SRD5A3: variants seen among roughly 807,000 people sequenced by gnomAD.
SRD5A3 encodes steroid 5 alpha-reductase 3, also known as polyprenal reductase.
Under a neutral mutation model 34.3 loss-of-function variants are expected in SRD5A3, and 24 were observed. The observed-to-expected ratio is 0.70, with a 90% confidence interval of 0.51 to 0.99. SRD5A3 has a LOEUF of 0.99. SRD5A3 is among the 50% of genes least tolerant of loss of function. The pLI is 0.00. For synonymous variants in SRD5A3, 161 were observed against 167.3 expected, an observed-to-expected ratio of 0.96 and a Z score of 0.29; for missense variants, 350 against 388.2, an observed-to-expected ratio of 0.90 and a Z score of 0.83.
At chr4:55,366,770 T>C (rs1719914983) in intron 3 of SRD5A3, 1 of 152,262 alleles carries the variant, frequency 6.6e-6, no homozygotes, top group Non-Finnish European at 1.5e-5. Flanking sequence ...GTTTCTTCAG[T>C]CAAGCCTCCG....
At chr4:55,369,526 T>C (rs1720040328) in intron 4 of SRD5A3, 1 of 375,990 alleles carries the variant, frequency 2.7e-6, no homozygotes, top group Non-Finnish European at 4.9e-6. Context: ...GCCCAGCAGT[T>C]TGAGACCAAC....
intron 1 of SRD5A3, chr4:55,351,775 G>A: frequency 2.2e-6 from 1 of 458,546 alleles, no homozygotes; most frequent in South Asian, 1.8e-5. Context: ...AGAGAAAGCT[G>A]GTTGAAGAAA....
intron 1 of SRD5A3, chr4:55,352,465 G>A (rs539566401): frequency 3.0e-5 from 20 of 674,704 alleles, no homozygotes; most frequent in Middle Eastern, 4.3e-4. Context: ...TAGCCTTCAC[G>A]AAACTGCCGA....
At chr4:55,346,681 C>A (rs1719011704) in intron 1 of SRD5A3, 124 bp downstream of exon 1, 4 of 923,256 alleles carry the variant, frequency 4.3e-6, no homozygotes, top group Admixed American at 4.3e-5. Flanking sequence ...CTGGCGGGTT[C>A]CCGGGCGCAG....
chr4:55,359,309 T>C, intron 1 of SRD5A3, 37 bp from the exon 2 acceptor site: 1 of 1,612,846 alleles, frequency 6.2e-7, no homozygotes, highest in South Asian at 1.1e-5. Context: ...GAAGTGGATC[T>C]ACCCTAATTA....
chr4:55,370,335 C>A lies in SRD5A3; in HGVS notation c.*244C>A, dbSNP rs1720076793. On this transcript the variant is annotated 3_prime_UTR_variant, in exon 5 of 5. Transcript: ENST00000264228. ...ATTTCTGGGTCCACTTTCTGAGATG[C>A]TTTCTAAAACCAACCAACTGATAAA... The A allele has an allele frequency of 1.8e-6, 1 of 546,026 alleles. No individual in the cohort carries two copies. Among genetic ancestry groups the A allele is most frequent in the Non-Finnish European group, 3.2e-6 (1 of 309,584 alleles). The allele number at this position is 546,026 out of a possible 1,614,324, so 33.8% of individuals were successfully genotyped here.
chr4:55,346,619 C>T lies in SRD5A3; in HGVS notation c.221+62C>T, dbSNP rs963671827. 3.5e-6 allele frequency: 5 copies of T among 1,440,122 alleles called. No individual in the cohort carries two copies. The African/African-American group carries it at 4.4e-5, about 13-fold the overall frequency. 89.2% of individuals were successfully genotyped at this position (1,440,122 alleles called of 1,614,324 possible). ...GCGCTGAGAGTTCGGGGCGCCCCGG[C>T]TCGCGGGCAGCCAGCAGGGGGCAGC... On this transcript the variant is annotated intron_variant, in intron 1 of 4. Coordinates refer to ENST00000264228, the MANE Select transcript of SRD5A3 (RefSeq NM_024592.5).
Position 55,371,546 on chromosome 4 carries a change from G to A in SRD5A3, c.*1455G>A, listed in dbSNP as rs914029510. On this transcript the variant is annotated 3_prime_UTR_variant, in exon 5 of 5. Transcript: ENST00000264228. ...TTTGCATTTATATGTACTTTGCTAT[G>A]GGGGAAAGAACCTTATGATTAATAA... 3.4e-4 allele frequency: 51 copies of A among 152,230 alleles called. No individual in the cohort carries two copies. The highest frequency in any genetic ancestry group is 1.2e-3 in the African/African-American group (50 of 41,550). The allele number at this position is 152,230 out of a possible 1,614,324, so 9.4% of individuals were successfully genotyped here.
At chr4:55,349,635 C>T (rs931451131) in intron 1 of SRD5A3, among the ~76,000 whole-genome samples, 2 of 151,736 alleles carry the variant, frequency 1.3e-5, no homozygotes, top group Non-Finnish European at 2.9e-5. Context: ...CAGGTGACCT[C>T]GAACATGTAT....
chr4:55,349,045 G>GT (rs1390840554), intron 1 of SRD5A3, among the ~76,000 whole-genome samples: 1 of 151,962 alleles, frequency 6.6e-6, no homozygotes, highest in Non-Finnish European at 1.5e-5. Context: ...CTTTTGTTTT[G>GT]TTTTTTTGAG....
rs1719468081 is a variant in SRD5A3 at position 55,356,531 on chromosome 4, C to G, written c.222-2815C>G. ...ACAGAATCTCGCTTTGTCACCCAGG[C>G]TGGAGTGCTGTGGCGGCATGATCAC... On this transcript the variant is annotated intron_variant, in intron 1 of 4. Coordinates refer to ENST00000264228, the MANE Select transcript of SRD5A3 (RefSeq NM_024592.5). 2.0e-5 allele frequency among the ~76,000 whole-genome samples: 3 copies of G among 152,084 alleles called. No individual in the cohort carries two copies. In the South Asian group the frequency reaches 6.2e-4, roughly 32 times the overall value.
At chr4:55,351,927 T>G in intron 1 of SRD5A3, 1 of 704,842 alleles carries the variant, frequency 1.4e-6, no homozygotes, top group South Asian at 1.4e-5. Context: ...AAGGTCCTGG[T>G]CAACTGTGGC....
intron 1 of SRD5A3, chr4:55,351,953 AT>A: frequency 2.7e-6 from 2 of 738,048 alleles, no homozygotes; most frequent in South Asian, 2.7e-5. Context: ...TATAAAACTT[AT>A]GCTGAATTAC....
rs1720125011 is a variant in SRD5A3, at chr4:55,371,500, C to G, written c.*1409C>G. 6.6e-6 allele frequency: 1 copy of G among 152,204 alleles called. No individual in the cohort carries two copies. Among genetic ancestry groups the G allele is most frequent in the Admixed American group, 6.5e-5 (1 of 15,270 alleles). The allele number at this position is 152,204 out of a possible 1,614,324, so 9.4% of individuals were successfully genotyped here. A position where few individuals can be genotyped will look rare whatever the true frequency, so the allele number is the denominator to read the frequency against. On this transcript the variant is annotated 3_prime_UTR_variant, in exon 5 of 5. Transcript: ENST00000264228. ...TTCCTTTTATGAAGATGTCCTATTACAGTCAGCTAAGCACTAAAGCTTTGC... is the reference window on the plus strand; with the variant it reads ...TTCCTTTTATGAAGATGTCCTATTAGAGTCAGCTAAGCACTAAAGCTTTGC...
intron 4 of SRD5A3, among the ~76,000 whole-genome samples, chr4:55,368,925 G>T (rs1038634743): frequency 2.0e-5 from 3 of 151,872 alleles, no homozygotes; most frequent in Non-Finnish European, 2.9e-5. Flanking sequence ...TTTTAGTAGA[G>T]CTGGGGTTTC....
chr4:55,365,155 G>A (rs535554648), intron 3 of SRD5A3, among the ~76,000 whole-genome samples: 1 of 152,186 alleles, frequency 6.6e-6, no homozygotes. Context: ...AGACCCCGTA[G>A]GTCTGTAATG....
intron 1 of SRD5A3, among the ~76,000 whole-genome samples, chr4:55,357,644 G>A (rs1032760897): frequency 1.3e-4 from 20 of 152,234 alleles, no homozygotes; most frequent in Non-Finnish European, 2.5e-4. Context: ...GAGATGTTGT[G>A]TGGAATTAAA....
At chr4:55,352,164 CT>C in intron 1 of SRD5A3, 1 of 883,206 alleles carries the variant, frequency 1.1e-6, no homozygotes, top group Non-Finnish European at 1.9e-6. Context: ...TCTGGTTTGG[CT>C]TTTATGGAAA....
chr4:55,353,670 G>A (rs1719298139), intron 1 of SRD5A3, among the ~76,000 whole-genome samples: 1 of 152,172 alleles, frequency 6.6e-6, no homozygotes, highest in African/African-American at 2.4e-5. Flanking sequence ...CACTCCTGAA[G>A]TCAGCGAGAC....
Sources: gnomAD v4.1 joint callset for allele counts (sites outside exome capture counted in the v4.1 genomes callset) on GRCh38, gnomAD v4.1.1 for gene constraint, MANE v1.5 for transcripts, NCBI Gene and HGNC (gene_info 2026-07-23, HGNC 2026-07-21) for gene names.